FAM13A: variants seen among roughly 807,000 people sequenced by gnomAD.
The protein encoded by FAM13A is protein FAM13A.
In FAM13A, 76 loss-of-function variants were observed where a neutral mutation model predicts 129.6. That is an observed-to-expected ratio of 0.59 (90% CI 0.49 to 0.71). The LOEUF (loss-of-function observed/expected upper bound fraction) is 0.71. Among genes scored for constraint, FAM13A ranks in the 30% least tolerant of loss-of-function variants. FAM13A has a pLI of 0.00. For missense variants in FAM13A, 1,108 were observed against 1,249.3 expected, an observed-to-expected ratio of 0.89 and a Z score of 1.70; for synonymous variants, 443 against 449.9, an observed-to-expected ratio of 0.98 and a Z score of 0.20.
At chr4:88,915,525 T>C (rs1749967642) in intron 5 of FAM13A, among the ~76,000 whole-genome samples, 1 of 152,230 alleles carries the variant, frequency 6.6e-6, no homozygotes, top group Non-Finnish European at 1.5e-5. Context: ...ATGAATTATA[T>C]ACCTTATGAA....
rs185417320 is a variant in FAM13A at position 88,737,450 on chromosome 4, G to T, written c.2646+22C>A. ...GGGAACTGGTGCGGATTTAGCAATG[G>T]GTTAGCAGCTGGGGTCTTCACCTTT... is the stretch of plus-strand genomic sequence containing the variant. On this transcript the variant is annotated intron_variant, in intron 21 of 23. Coordinates refer to ENST00000264344, the MANE Select transcript of FAM13A (RefSeq NM_014883.4). 145 of 1,604,332 alleles carry T rather than the reference G, an allele frequency of 9.0e-5. 1 individual carries two copies. Among genetic ancestry groups the T allele is most frequent in the Non-Finnish European group, 5.8e-5 (68 of 1,171,286 alleles).
chr4:88,880,624 GAC>G (rs1266482776), intron 6 of FAM13A, among the ~76,000 whole-genome samples: 3 of 152,164 alleles, frequency 2.0e-5, no homozygotes, highest in Non-Finnish European at 2.9e-5. Context: ...CAGGAGTGCA[GAC>G]ACAGCACAGA....
intron 23 of FAM13A, chr4:88,729,393 G>GT (rs1328494783): frequency 6.6e-6 from 1 of 152,282 alleles, no homozygotes; most frequent in Non-Finnish European, 1.5e-5. Context: ...GCTGCTTTGT[G>GT]TTTTATGGGA....
intron 11 of FAM13A, among the ~76,000 whole-genome samples, chr4:88,777,561 G>C (rs1266503328): frequency 3.9e-5 from 6 of 152,156 alleles, no homozygotes; most frequent in Admixed American, 3.9e-4. Flanking sequence ...TCTGAGCTCT[G>C]AATTATCTGT....
At chr4:88,744,653 T>C (rs1308655012) in intron 19 of FAM13A, among the ~76,000 whole-genome samples, 1 of 152,208 alleles carries the variant, frequency 6.6e-6, no homozygotes, top group Non-Finnish European at 1.5e-5. Flanking sequence ...ATTTTTCTTC[T>C]AAGAAGAGTG....
At chr4:88,933,712 C>T (rs1753405144) in intron 5 of FAM13A, among the ~76,000 whole-genome samples, 1 of 152,186 alleles carries the variant, frequency 6.6e-6, no homozygotes, top group Non-Finnish European at 1.5e-5. Flanking sequence ...TCATCACCTT[C>T]ATTACCATCA....
chr4:88,797,819 T>C (rs1042644441), intron 8 of FAM13A, among the ~76,000 whole-genome samples: 2 of 152,216 alleles, frequency 1.3e-5, no homozygotes, highest in Non-Finnish European at 2.9e-5. Context: ...CAAAAAGGTT[T>C]ATGTCCTTGA....
At chr4:89,030,342 G>A (rs905821629) in intron 1 of FAM13A, among the ~76,000 whole-genome samples, 1 of 151,930 alleles carries the variant, frequency 6.6e-6, no homozygotes, top group African/African-American at 2.4e-5. Flanking sequence ...ATAACATAAT[G>A]AAAAATTCAT....
rs200713682 is a variant in FAM13A at position 89,020,574 on chromosome 4, C to G, written c.313G>C (p.Gly105Arg). The change falls in exon 3 of 24, where the codon GGG (glycine) becomes CGG (arginine). Residue 105 changes from glycine (G) to arginine (R), a missense_variant. Gly to Arg is a moderately radical substitution (Grantham distance 125). Transcript: ENST00000264344. ...KFESGVPVEL[G>R]KDGDVCSAAS... The stretch of plus-strand genomic sequence containing the variant: ...GCTGAGCAGACATCACCGTCCTTCC[C>G]GAGCTCCACGGGCACTCCACTCTCG... The G allele has an allele frequency of 4.0e-5, 64 of 1,614,088 alleles. No individual in the cohort carries two copies. Among genetic ancestry groups the G allele is most frequent in the Non-Finnish European group, 5.3e-5 (62 of 1,180,012 alleles).
chr4:89,050,521 T>C (rs17014983), intron 1 of FAM13A, among the ~76,000 whole-genome samples: 2,230 of 152,222 alleles, frequency 0.015, 59 homozygotes, highest in African/African-American at 0.051. Context: ...TCATGTTCTT[T>C]CTAAAACTCC....
chr4:88,764,915 G>A (rs1745451056), intron 13 of FAM13A, among the ~76,000 whole-genome samples: 1 of 152,138 alleles, frequency 6.6e-6, no homozygotes, highest in Admixed American at 6.5e-5. Flanking sequence ...ATTGACCAAT[G>A]CCCATCTGAG....
chr4:88,796,103 C>G (rs1726120837), intron 8 of FAM13A, among the ~76,000 whole-genome samples: 1 of 151,730 alleles, frequency 6.6e-6, no homozygotes, highest in South Asian at 2.1e-4. Context: ...TCTATAACTT[C>G]TTATTCTGAA....
chr4:88,921,470 G>T (rs867796814), intron 5 of FAM13A, among the ~76,000 whole-genome samples: 2 of 152,126 alleles, frequency 1.3e-5, no homozygotes, highest in Admixed American at 6.5e-5. Flanking sequence ...AAGTGAAGGA[G>T]AAATAAAATC....
chr4:88,804,993 C>A lies in FAM13A; in HGVS notation c.1049+18G>T. 1 of 1,499,088 alleles carries A rather than the reference C, an allele frequency of 6.7e-7. No homozygotes were observed. The highest frequency in any genetic ancestry group is 9.3e-7 in the Non-Finnish European group (1 of 1,079,106). 92.9% of individuals were successfully genotyped at this position (1,499,088 alleles called of 1,614,324 possible). On this transcript the variant is annotated intron_variant, in intron 8 of 23. Transcript: ENST00000264344. The stretch of plus-strand genomic sequence containing the variant: ...TCCTTTATTCCCTGTAGTAGACCAA[C>A]AAAAATCAAATAAATACCTCAAATA...
chr4:88,962,926 A>G (rs1212826157), intron 4 of FAM13A, among the ~76,000 whole-genome samples: 1 of 151,922 alleles, frequency 6.6e-6, no homozygotes, highest in African/African-American at 2.4e-5. Flanking sequence ...TTTAAATAAG[A>G]TTAGTAACAC....
At chr4:88,856,676 A>C (rs894107294) in intron 6 of FAM13A, among the ~76,000 whole-genome samples, 4 of 152,360 alleles carry the variant, frequency 2.6e-5, no homozygotes, top group African/African-American at 9.6e-5. Context: ...GAAGGACAAA[A>C]GAAGTAGCAC....
chr4:88,813,271 A>G (rs1262429793), intron 7 of FAM13A, among the ~76,000 whole-genome samples: 1 of 152,160 alleles, frequency 6.6e-6, no homozygotes, highest in African/African-American at 2.4e-5. Flanking sequence ...GTTTGAAGAA[A>G]TTTTGGGCAG....
At chr4:88,758,693 T>C in intron 14 of FAM13A, 61 bp downstream of exon 14, 1 of 1,516,048 alleles carries the variant, frequency 6.6e-7, no homozygotes, top group Non-Finnish European at 9.0e-7. Flanking sequence ...ATGCCTCTCA[T>C]TTGTGCTTAT....
chr4:88,978,030 A>C (rs1442166716), intron 4 of FAM13A, among the ~76,000 whole-genome samples: 5 of 152,302 alleles, frequency 3.3e-5, no homozygotes, highest in East Asian at 3.9e-4. Flanking sequence ...ATTATATAAA[A>C]CTACAGTATT....
Sources: allele counts gnomAD v4.1 joint callset (sites outside exome capture counted in the v4.1 genomes callset), GRCh38; gene constraint gnomAD v4.1.1; transcripts MANE v1.5; gene names NCBI Gene and HGNC (gene_info 2026-07-23, HGNC 2026-07-21).